Variants in SEC63 observed in about 807,000 individuals in gnomAD.
SEC63 encodes translocation protein SEC63 homolog.
A neutral mutation model predicts 116.2 loss-of-function variants in SEC63; 56 were observed. The ratio of observed to expected loss-of-function variants is 0.48; its 90% CI spans 0.39 to 0.60. SEC63 has a LOEUF of 0.60. SEC63 is among the 20% of genes least tolerant of loss of function. The pLI, the probability that SEC63 is intolerant of heterozygous loss-of-function variation, is 0.00. For synonymous variants in SEC63, 273 were observed against 294.6 expected (o/e 0.93, Z 0.75); for missense variants, 668 against 900.0 (o/e 0.74, Z 3.30).
At position 107,881,142 on chromosome 6, in the gene SEC63, A is replaced by C. The variant is rs1191510706; in HGVS notation, c.1935+7T>G. On this transcript the variant is annotated splice_region_variant and intron_variant, in intron 18 of 20. Transcript: ENST00000369002. ...ATAAGGAACACAGTAGCCTGTATAT[A>C]ACTCACCTCAGGAAAGTAAAGGCTA... 1 of 1,571,436 alleles carries C rather than the reference A, an allele frequency of 6.4e-7. No individual in the cohort carries two copies. Among genetic ancestry groups the C allele is most frequent in the Non-Finnish European group, 8.8e-7 (1 of 1,142,780 alleles).
chr6:107,905,540 T>C (rs1346134835), intron 10 of SEC63, among the ~76,000 whole-genome samples: 1 of 152,210 alleles, frequency 6.6e-6, no homozygotes, highest in Non-Finnish European at 1.5e-5. Flanking sequence ...AAAGAGATAA[T>C]TAATGACATC....
chr6:107,944,066 T>C (rs1770431868), intron 1 of SEC63, among the ~76,000 whole-genome samples: 1 of 152,158 alleles, frequency 6.6e-6, no homozygotes, highest in South Asian at 2.1e-4. Context: ...TCGGACACGA[T>C]GTATTTCAAA....
At chr6:107,880,834 G>A (rs1356001412) in intron 18 of SEC63, 1 of 230,650 alleles carries the variant, frequency 4.3e-6, no homozygotes, top group Non-Finnish European at 8.7e-6. Context: ...ATATGCATTT[G>A]TCTGATGAAG....
At position 107,958,075 on chromosome 6, in the gene SEC63, C is replaced by G. The variant is rs1277629863; in HGVS notation, c.-66G>C. ...CACGACCACGCTCTGCACTCCCGCT[C>G]CCAACGCCCCGGCCCGAGTGGCGTA... On this transcript the variant is annotated 5_prime_UTR_variant, in exon 1 of 21. Transcript: ENST00000369002. The G allele has an allele frequency of 6.3e-7, 1 of 1,598,172 alleles. No homozygotes were observed. The highest frequency in any genetic ancestry group is 1.1e-5 in the South Asian group (1 of 90,312).
At chr6:107,952,041 G>A (rs942192078) in intron 1 of SEC63, among the ~76,000 whole-genome samples, 3 of 151,748 alleles carry the variant, frequency 2.0e-5, no homozygotes, top group African/African-American at 4.8e-5. Context: ...ACTATGCCAA[G>A]GAAATCTAAG....
chr6:107,890,060 G>A (rs926773351), intron 16 of SEC63, among the ~76,000 whole-genome samples: 2 of 152,166 alleles, frequency 1.3e-5, no homozygotes, highest in African/African-American at 4.8e-5. Flanking sequence ...GTATTCTGTC[G>A]ATTTGGGCTG....
At chr6:107,905,809 G>A (rs1787136016) in intron 10 of SEC63, among the ~76,000 whole-genome samples, 1 of 152,312 alleles carries the variant, frequency 6.6e-6, no homozygotes, top group South Asian at 2.1e-4. Context: ...CTTATACAGA[G>A]CATTCTCTCA....
chr6:107,915,632 G>A (rs1357428588), intron 4 of SEC63, among the ~76,000 whole-genome samples: 6 of 150,826 alleles, frequency 4.0e-5, no homozygotes, highest in African/African-American at 1.5e-4. Flanking sequence ...GTGAAAATCT[G>A]ATTAAAAAAA....
intron 11 of SEC63, 49 bp downstream of exon 11, chr6:107,904,580 T>C (rs780360753): frequency 7.0e-6 from 10 of 1,428,968 alleles, no homozygotes; most frequent in South Asian, 5.7e-5. Flanking sequence ...ACAATCTGCA[T>C]ATGCTTGCAA....
intron 3 of SEC63, among the ~76,000 whole-genome samples, chr6:107,924,396 G>A (rs1329505214): frequency 1.3e-5 from 2 of 151,836 alleles, no homozygotes; most frequent in African/African-American, 4.8e-5. Flanking sequence ...GGCTAACATG[G>A]TGAAACCCCG....
At chr6:107,881,829 C>G (rs981257472) in intron 17 of SEC63, among the ~76,000 whole-genome samples, 3 of 152,192 alleles carry the variant, frequency 2.0e-5, no homozygotes, top group African/African-American at 7.2e-5. Flanking sequence ...AGACCTGAAG[C>G]TGTTTCACAT....
chr6:107,897,576 A>C, intron 14 of SEC63, 73 bp downstream of exon 14: 1 of 1,069,978 alleles, frequency 9.3e-7, no homozygotes, highest in Non-Finnish European at 1.4e-6. Context: ...TTTGACTTTG[A>C]CAATGAGGGA....
chr6:107,922,553 T>C (rs1405631371), intron 3 of SEC63, among the ~76,000 whole-genome samples: 1 of 152,122 alleles, frequency 6.6e-6, no homozygotes, highest in African/African-American at 2.4e-5. Context: ...ATAATCACAA[T>C]AAATTAAATC....
intron 16 of SEC63, among the ~76,000 whole-genome samples, chr6:107,890,496 T>G (rs1465218843): frequency 6.6e-6 from 1 of 152,182 alleles, no homozygotes. Flanking sequence ...GAATACAGTA[T>G]ACGGATGGGT....
intron 1 of SEC63, among the ~76,000 whole-genome samples, chr6:107,939,960 T>A (rs938015697): frequency 2.0e-5 from 3 of 152,152 alleles, no homozygotes; most frequent in African/African-American, 7.2e-5. Context: ...TAGTTAGCCA[T>A]ATGTCTCATT....
chr6:107,875,768 A>G (rs776843548), intron 19 of SEC63, among the ~76,000 whole-genome samples: 7 of 152,202 alleles, frequency 4.6e-5, no homozygotes, highest in Non-Finnish European at 1.0e-4. Context: ...CCAACTAGCA[A>G]TGATATTCAA....
At position 107,906,754 on chromosome 6, in the gene SEC63, C is replaced by T. The variant is rs1787157235; in HGVS notation, c.757G>A (p.Ala253Thr). Reference sequence around the variant, plus strand: ...TTATACTGAGGATCAAATTCAGAAGCTCCAGCCAAAACCATGATAAGACCT... The same window carrying T: ...TTATACTGAGGATCAAATTCAGAAGTTCCAGCCAAAACCATGATAAGACCT... ...MKRLIMVLAG[A>T]SEFDPQYNKD... Residue 253 changes from alanine to threonine, a missense_variant, in exon 9 of 21, where the codon GCT (alanine) becomes ACT (threonine). This residue lies in a region of SEC63 where 430 missense variants were observed against 557.5 expected (regional missense o/e 0.77). Coordinates refer to ENST00000369002, the MANE Select transcript of SEC63 (RefSeq NM_007214.5). 1 of 1,613,752 alleles carries T rather than the reference C, an allele frequency of 6.2e-7. No individual in the cohort carries two copies. The highest frequency in any genetic ancestry group is 8.5e-7 in the Non-Finnish European group (1 of 1,179,782).
chr6:107,914,730 C>T (rs1344612772), intron 4 of SEC63, among the ~76,000 whole-genome samples: 1 of 152,180 alleles, frequency 6.6e-6, no homozygotes, highest in African/African-American at 2.4e-5. Flanking sequence ...GTCCACCCAA[C>T]TCAGAGTTTT....
Position 107,871,853 on chromosome 6 carries a change from A to C in SEC63, c.2140-6T>G, listed in dbSNP as rs1786142356. On this transcript the variant is annotated splice_region_variant and splice_polypyrimidine_tract_variant and intron_variant, in intron 20 of 20. Coordinates refer to ENST00000369002, the MANE Select transcript of SEC63 (RefSeq NM_007214.5). ...TTAGCCTCATGAACTTCCAACTAGA[A>C]AGAAGAATTAAATGTAGACATCAGA... 6.2e-7 allele frequency: 1 copy of C among 1,613,276 alleles called. No individual in the cohort carries two copies. The highest frequency in any genetic ancestry group is 1.3e-5 in the African/African-American group (1 of 75,058).
Sources: allele counts gnomAD v4.1 joint callset (sites outside exome capture counted in the v4.1 genomes callset), GRCh38; gene constraint gnomAD v4.1.1; regional missense constraint gnomAD v4.1.1; transcripts MANE v1.5; gene names NCBI Gene and HGNC (gene_info 2026-07-23, HGNC 2026-07-21).